The following NLGN1 variants were observed in gnomAD, a reference collection of about 807,000 sequenced individuals.
The protein encoded by NLGN1 is neuroligin 1, also known as neuroligin-1.
In NLGN1, 12 loss-of-function variants were observed where a neutral mutation model predicts 65.5. The observed-to-expected ratio is 0.18, with a 90% CI of 0.12 to 0.30. NLGN1 has a LOEUF of 0.30. Ranked by LOEUF, NLGN1 falls within the 10% of genes least tolerant of loss-of-function variation. NLGN1 has a pLI of 1.00. For synonymous variants in NLGN1, 350 were observed against 359.5 expected (o/e 0.97, Z 0.30); for missense variants, 750 against 1,007.1 (o/e 0.74, Z 3.46).
At chr3:173,418,639 T>C (rs530114234) in intron 1 of NLGN1, among the ~76,000 whole-genome samples, 1 of 152,354 alleles carries the variant, frequency 6.6e-6, no homozygotes, top group Non-Finnish European at 1.5e-5. Flanking sequence ...TTTTCATCTT[T>C]GAGATTTCAT....
chr3:173,756,384 T>C (rs182507389), intron 3 of NLGN1, among the ~76,000 whole-genome samples: 25 of 152,114 alleles, frequency 1.6e-4, no homozygotes, highest in African/African-American at 6.0e-4. Flanking sequence ...TTAGTTAATG[T>C]TGATATGAAT....
chr3:173,561,600 AG>A, intron 2 of NLGN1, among the ~76,000 whole-genome samples: 2 of 152,230 alleles, frequency 1.3e-5, no homozygotes, highest in Non-Finnish European at 2.9e-5. Context: ...GTAATAATAT[AG>A]AATTAATTAA....
intron 1 of NLGN1, among the ~76,000 whole-genome samples, chr3:173,418,049 A>C (rs931314407): frequency 1.3e-5 from 2 of 151,326 alleles, no homozygotes; most frequent in Non-Finnish European, 3.0e-5. Context: ...TTATTTGTTT[A>C]TGTGTGTGTG....
At chr3:174,101,624 A>T (rs1712498440) in intron 4 of NLGN1, among the ~76,000 whole-genome samples, 2 of 152,316 alleles carry the variant, frequency 1.3e-5, no homozygotes, top group South Asian at 4.1e-4. Context: ...ATGATATGTT[A>T]CTTCCTTCAC....
At position 173,880,627 on chromosome 3, in the gene NLGN1, C is replaced by A. The variant is rs1449330525; in HGVS notation, c.646+72795C>A. Among the ~76,000 whole-genome samples the A allele has an allele frequency of 2.6e-5, 4 of 151,722 alleles. No individual in the cohort carries two copies. In the East Asian group the frequency reaches 7.7e-4, roughly 29 times the overall value. On this transcript the variant is annotated intron_variant, in intron 4 of 6. Coordinates refer to ENST00000457714, the Ensembl canonical transcript of NLGN1. ...TTTATTGCTAAAAATCATTAACAATCATATGAACCTTGAGAGACTTGTAAA... is the reference window on the plus strand; with the variant it reads ...TTTATTGCTAAAAATCATTAACAATAATATGAACCTTGAGAGACTTGTAAA...
intron 4 of NLGN1, among the ~76,000 whole-genome samples, chr3:173,883,814 C>CTTTTTTTTTTTT (rs74363696): frequency 1.0e-5 from 1 of 96,484 alleles, no homozygotes; most frequent in Non-Finnish European, 2.2e-5. Context: ...GGGAAACTTT[C>CTTTTTTTTTTTT]TTTTTTTTTT....
intron 2 of NLGN1, among the ~76,000 whole-genome samples, chr3:173,445,996 GA>G (rs1342646415): frequency 6.6e-6 from 1 of 151,904 alleles, no homozygotes; most frequent in East Asian, 1.9e-4. Flanking sequence ...TTGCTTTACA[GA>G]GAAAATAAAA....
At chr3:174,010,594 T>C (rs1226293629) in intron 4 of NLGN1, among the ~76,000 whole-genome samples, 3 of 152,194 alleles carry the variant, frequency 2.0e-5, no homozygotes, top group Admixed American at 6.6e-5. Context: ...GTTCTACATA[T>C]AGACACAATT....
intron 4 of NLGN1, among the ~76,000 whole-genome samples, chr3:173,970,370 G>T (rs532326385): frequency 6.6e-6 from 1 of 152,110 alleles, no homozygotes; most frequent in African/African-American, 2.4e-5. Context: ...AGGCCATTTA[G>T]TTGTTAATCA....
At chr3:173,503,434 G>A (rs1731486300) in intron 2 of NLGN1, among the ~76,000 whole-genome samples, 1 of 151,978 alleles carries the variant, frequency 6.6e-6, no homozygotes, top group African/African-American at 2.4e-5. Flanking sequence ...GCCAAACACT[G>A]AACAGCATGA....
chr3:173,505,009 T>C (rs1731758847), intron 2 of NLGN1, among the ~76,000 whole-genome samples: 1 of 151,962 alleles, frequency 6.6e-6, no homozygotes, highest in Admixed American at 6.6e-5. Flanking sequence ...ACCTCAAGTT[T>C]AACAAGTCTA....
At chr3:173,985,286 T>G (rs1396163557) in intron 4 of NLGN1, among the ~76,000 whole-genome samples, 1 of 152,198 alleles carries the variant, frequency 6.6e-6, no homozygotes, top group South Asian at 2.1e-4. Flanking sequence ...CTGGTCAGCA[T>G]TCCCTAGGCT....
intron 4 of NLGN1, among the ~76,000 whole-genome samples, chr3:173,895,945 C>T (rs1277150461): frequency 6.6e-6 from 1 of 152,158 alleles, no homozygotes; most frequent in Non-Finnish European, 1.5e-5. Flanking sequence ...CCACCTTGGC[C>T]TCCCAAAGTG....
At chr3:173,593,347 T>C (rs1051330535) in intron 2 of NLGN1, among the ~76,000 whole-genome samples, 3 of 152,190 alleles carry the variant, frequency 2.0e-5, no homozygotes, top group Non-Finnish European at 2.9e-5. Context: ...ACCCAATAGT[T>C]ACTTTTTTGT....
chr3:173,886,658 A>G (rs1172083886), intron 4 of NLGN1, among the ~76,000 whole-genome samples: 5 of 152,120 alleles, frequency 3.3e-5, no homozygotes, highest in Non-Finnish European at 7.4e-5. Context: ...CCAGTAAAAT[A>G]TAAAATAGGG....
chr3:174,204,795 T>C (rs1735102264), intron 4 of NLGN1, among the ~76,000 whole-genome samples: 1 of 152,246 alleles, frequency 6.6e-6, no homozygotes, highest in South Asian at 2.1e-4. Flanking sequence ...TTTCAACTTT[T>C]TAATTTCTAG....
chr3:173,975,453 A>C (rs1203593639), intron 4 of NLGN1, among the ~76,000 whole-genome samples: 2 of 152,008 alleles, frequency 1.3e-5, no homozygotes, highest in Non-Finnish European at 2.9e-5. Context: ...GTGCAAACCG[A>C]GGGATAATAT....
chr3:174,229,475 C>T (rs1488560156), intron 4 of NLGN1, among the ~76,000 whole-genome samples: 1 of 152,090 alleles, frequency 6.6e-6, no homozygotes, highest in Non-Finnish European at 1.5e-5. Context: ...ATGCCCTCCC[C>T]AAATTAATAA....
intron 4 of NLGN1, among the ~76,000 whole-genome samples, chr3:174,134,773 C>A (rs1720899703): frequency 6.6e-6 from 1 of 152,176 alleles, no homozygotes; most frequent in African/African-American, 2.4e-5. Context: ...ATCAATTTCT[C>A]ATACACAGTT....
Sources: gnomAD v4.1 joint callset for allele counts (sites outside exome capture counted in the v4.1 genomes callset) on GRCh38, gnomAD v4.1.1 for gene constraint, MANE v1.5 for transcripts, NCBI Gene and HGNC (gene_info 2026-07-23, HGNC 2026-07-21) for gene names.